The following NSRP1 variants were observed in gnomAD, a reference collection of about 807,000 sequenced individuals.
NSRP1 encodes the protein coiled-coil domain containing 55.
NSRP1 carries 24 observed loss-of-function variants against 54.7 expected under a neutral mutation model. The ratio of observed to expected loss-of-function variants is 0.44; its 90% CI spans 0.32 to 0.62. The LOEUF (loss-of-function observed/expected upper bound fraction) is 0.62. Ranked by LOEUF, NSRP1 falls within the 20% of genes least tolerant of loss-of-function variation. The pLI is 0.06. For synonymous variants in NSRP1, 210 were observed against 213.8 expected (o/e 0.98, Z 0.15); for missense variants, 596 against 651.2 (o/e 0.92, Z 0.92).
chr17:30,153,153 G>A (rs1046216827), intron 2 of NSRP1, among the ~76,000 whole-genome samples: 2 of 151,956 alleles, frequency 1.3e-5, no homozygotes, highest in African/African-American at 4.8e-5. Context: ...CTGGCATCAA[G>A]TAATCTGCCT....
At chr17:30,179,367 C>G in intron 5 of NSRP1, 70 bp downstream of exon 5, 1 of 1,458,906 alleles carries the variant, frequency 6.9e-7, no homozygotes, top group South Asian at 1.6e-5. Context: ...TAGCTGTTTG[C>G]TCTGTCACTG....
chr17:30,176,096 T>G (rs1374434800), intron 3 of NSRP1, among the ~76,000 whole-genome samples: 1 of 127,078 alleles, frequency 7.9e-6, no homozygotes, highest in African/African-American at 3.2e-5. Flanking sequence ...TTTTTTTTTG[T>G]TGTTGTTGTT....
At chr17:30,163,187 TTTTG>T (rs1904587724) in intron 2 of NSRP1, 2 of 124,446 alleles carry the variant, frequency 1.6e-5, no homozygotes, top group Non-Finnish European at 1.7e-5. Flanking sequence ...ATCCGGCTAA[TTTTG>T]TGTGTGTGTG....
intron 2 of NSRP1, among the ~76,000 whole-genome samples, chr17:30,159,640 T>G (rs752439710): frequency 2.6e-4 from 39 of 151,946 alleles, no homozygotes; most frequent in Admixed American, 2.6e-3. Flanking sequence ...GGTATATTCT[T>G]TCTTTTTATT....
intron 2 of NSRP1, among the ~76,000 whole-genome samples, chr17:30,147,793 T>C (rs936863484): frequency 2.0e-5 from 3 of 150,708 alleles, no homozygotes; most frequent in African/African-American, 7.3e-5. Context: ...TAAGGAACTC[T>C]TCTATTCATC....
At chr17:30,137,077 T>C (rs922874099) in intron 2 of NSRP1, among the ~76,000 whole-genome samples, 1 of 152,208 alleles carries the variant, frequency 6.6e-6, no homozygotes, top group Non-Finnish European at 1.5e-5. Flanking sequence ...CTCAAGAGTA[T>C]TGTTGAAATA....
At position 30,184,909 on chromosome 17, in the gene NSRP1, G is replaced by A. The variant is rs115884873; in HGVS notation, c.912G>A (p.Thr304=). The stretch of plus-strand genomic sequence containing the variant: ...GAGGGCACAGTACCAGGCACCACAC[G>A]AAAGGATCACGAACGTCGAGAGGAC... ...EERGHSTRHH[T]KGSRTSRGHE... The change falls in exon 7 of 7, where the codon ACG becomes ACA. Residue 304 remains threonine, a synonymous_variant. Transcript: ENST00000247026. The A allele has an allele frequency of 1.8e-4, 294 of 1,614,110 alleles. No individual in the cohort carries two copies. In the African/African-American group the frequency reaches 3.0e-3, roughly 17 times the overall value.
chr17:30,153,142 C>T (rs2071930110), intron 2 of NSRP1, among the ~76,000 whole-genome samples: 2 of 152,016 alleles, frequency 1.3e-5, no homozygotes, highest in African/African-American at 4.8e-5. Context: ...GTCTCAAACT[C>T]CTGGCATCAA....
intron 2 of NSRP1, among the ~76,000 whole-genome samples, chr17:30,144,979 A>G (rs1387353117): frequency 6.6e-6 from 1 of 152,082 alleles, no homozygotes; most frequent in Non-Finnish European, 1.5e-5. Flanking sequence ...CTTTTAAATT[A>G]TATTTTGTTT....
intron 2 of NSRP1, among the ~76,000 whole-genome samples, chr17:30,167,007 T>G (rs1904754494): frequency 6.6e-6 from 1 of 152,148 alleles, no homozygotes; most frequent in African/African-American, 2.4e-5. Flanking sequence ...GTTTGTACCC[T>G]TTAACCAGCT....
intron 2 of NSRP1, among the ~76,000 whole-genome samples, chr17:30,171,972 A>ACACCCTCTCT (rs1169988659): frequency 2.1e-5 from 1 of 46,588 alleles, no homozygotes; most frequent in Non-Finnish European, 5.3e-5. Flanking sequence ...ACACACACAC[A>ACACCCTCTCT]CTCCCTCTCT....
intron 2 of NSRP1, among the ~76,000 whole-genome samples, chr17:30,130,287 C>T (rs949526947): frequency 1.3e-5 from 2 of 151,862 alleles, no homozygotes; most frequent in Non-Finnish European, 1.5e-5. Flanking sequence ...TTTGTTGAGA[C>T]AGAGTCTCAC....
intron 2 of NSRP1, among the ~76,000 whole-genome samples, chr17:30,163,940 C>T (rs1904634844): frequency 6.6e-6 from 1 of 152,076 alleles, no homozygotes; most frequent in Non-Finnish European, 1.5e-5. Flanking sequence ...CCCTCCTCGA[C>T]CTCCCAAAGT....
chr17:30,158,801 A>T (rs1181606940), intron 2 of NSRP1, among the ~76,000 whole-genome samples: 1 of 152,054 alleles, frequency 6.6e-6, no homozygotes, highest in South Asian at 2.1e-4. Flanking sequence ...TGGATTCTCT[A>T]TTCTGTTCCA....
chr17:30,171,960 ACACACACACACACTCCCTCT>A (rs1904948753), intron 2 of NSRP1, among the ~76,000 whole-genome samples: 1 of 135,282 alleles, frequency 7.4e-6, no homozygotes, highest in African/African-American at 2.8e-5. Context: ...ACACACACAC[ACACACACACACACTCCCTCT>A]CTCTCTCTCT....
In NSRP1 at chr17:30,179,235, A is replaced by C. The variant is rs149526911; in HGVS notation, c.446A>C (p.Lys149Thr). 240 of 1,609,642 alleles carry C rather than the reference A, an allele frequency of 1.5e-4. No homozygotes were observed. In the African/African-American group the frequency reaches 2.8e-3, roughly 19 times the overall value. ...GAAGCATTTGTGACATCTGCATATAAGAAAAAACTGCAAGAGAGAGCTGAA... is the reference window on the plus strand; with the variant it reads ...GAAGCATTTGTGACATCTGCATATACGAAAAAACTGCAAGAGAGAGCTGAA... ...DKEAFVTSAY[K>T]KKLQERAEEE... The change falls in exon 5 of 7, where the codon AAG becomes ACG. Residue 149 changes from lysine (K) to threonine (T), a missense_variant. Coordinates refer to ENST00000247026, the MANE Select transcript of NSRP1 (RefSeq NM_032141.4).
intron 2 of NSRP1, among the ~76,000 whole-genome samples, chr17:30,122,867 T>C (rs1420807082): frequency 1.3e-5 from 2 of 152,198 alleles, no homozygotes; most frequent in African/African-American, 4.8e-5. Flanking sequence ...ATTGTGGCTT[T>C]GATTTGCACT....
intron 2 of NSRP1, among the ~76,000 whole-genome samples, chr17:30,138,909 GTTTTTTTTTTTTTT>G (rs964449971): frequency 1.7e-5 from 1 of 58,140 alleles, no homozygotes; most frequent in African/African-American, 6.4e-5. Flanking sequence ...AAGTCTTAGC[GTTTTTTTTTTTTTT>G]TTTTTTTTTT....
At chr17:30,118,440 A>C (rs539163198) in intron 2 of NSRP1, among the ~76,000 whole-genome samples, 4 of 152,344 alleles carry the variant, frequency 2.6e-5, no homozygotes, top group Non-Finnish European at 4.4e-5. Context: ...GTTGGTGTAA[A>C]GATCCCTAGG....
Sources: allele counts gnomAD v4.1 joint callset (sites outside exome capture counted in the v4.1 genomes callset), GRCh38; gene constraint gnomAD v4.1.1; transcripts MANE v1.5; gene names NCBI Gene and HGNC (gene_info 2026-07-23, HGNC 2026-07-21).